TLL1: variants seen among roughly 807,000 people sequenced by gnomAD.
The protein encoded by TLL1 is tolloid like 1.
TLL1 carries 49 observed loss-of-function variants against 128.2 expected under a neutral mutation model. That is an observed-to-expected ratio of 0.38 (90% CI 0.30 to 0.48). The LOEUF is 0.48. Ranked by LOEUF, TLL1 falls within the 20% of genes least tolerant of loss-of-function variation. The pLI is 0.96. For synonymous variants in TLL1, 454 were observed against 418.8 expected, an observed-to-expected ratio of 1.08 and a Z score of -1.03; for missense variants, 1,123 against 1,242.0, an observed-to-expected ratio of 0.90 and a Z score of 1.44.
chr4:166,058,895 A>G (rs1740155067), intron 14 of TLL1, among the ~76,000 whole-genome samples: 1 of 152,124 alleles, frequency 6.6e-6, no homozygotes, highest in Non-Finnish European at 1.5e-5. Context: ...CTGCTGACCT[A>G]TTTAGCAAAA....
chr4:166,021,213 T>A (rs555155838), intron 8 of TLL1, among the ~76,000 whole-genome samples: 1 of 148,668 alleles, frequency 6.7e-6, no homozygotes, highest in East Asian at 2.0e-4. Flanking sequence ...TAAACTATAT[T>A]GCCAAGATGC....
At chr4:165,920,555 G>A (rs1289207441) in intron 1 of TLL1, among the ~76,000 whole-genome samples, 1 of 152,040 alleles carries the variant, frequency 6.6e-6, no homozygotes, top group Non-Finnish European at 1.5e-5. Flanking sequence ...GAAATTGTAG[G>A]GGAATAGAAT....
intron 1 of TLL1, among the ~76,000 whole-genome samples, chr4:165,913,497 C>A (rs1006842638): frequency 2.6e-5 from 4 of 152,104 alleles, no homozygotes; most frequent in African/African-American, 7.2e-5. Flanking sequence ...AAAGCTGATC[C>A]TTTTTAGGTA....
At chr4:165,875,926 T>C (rs560868687) in intron 1 of TLL1, among the ~76,000 whole-genome samples, 1 of 152,304 alleles carries the variant, frequency 6.6e-6, no homozygotes, top group South Asian at 2.1e-4. Context: ...AAAACTTTAA[T>C]AGCATTTACT....
intron 1 of TLL1, among the ~76,000 whole-genome samples, chr4:165,961,976 A>C (rs1735127973): frequency 6.6e-6 from 1 of 152,130 alleles, no homozygotes; most frequent in Non-Finnish European, 1.5e-5. Flanking sequence ...AAATACAAAA[A>C]TCCTGGAAGA....
chr4:166,003,016 A>G (rs1737240152), intron 5 of TLL1, among the ~76,000 whole-genome samples: 1 of 152,212 alleles, frequency 6.6e-6, no homozygotes, highest in Admixed American at 6.5e-5. Flanking sequence ...TATATTAGAA[A>G]TAAATGTGTA....
chr4:165,943,832 G>A lies in TLL1; in HGVS notation c.170-45549G>A, dbSNP rs184058426. Among the ~76,000 whole-genome samples, 223 of 152,168 alleles carry A rather than the reference G, an allele frequency of 1.5e-3. 2 individuals are homozygous for A. The highest frequency in any genetic ancestry group is 5.2e-3 in the African/African-American group (215 of 41,528). On this transcript the variant is annotated intron_variant, in intron 1 of 20. Coordinates refer to ENST00000061240, the MANE Select transcript of TLL1 (RefSeq NM_012464.5). ...TCATTTATAGTTAGGATATTTTATT[G>A]CAGCTACATGTGCACAGTGTATATT...
intron 1 of TLL1, among the ~76,000 whole-genome samples, chr4:165,897,071 T>C (rs1404504407): frequency 6.6e-6 from 1 of 152,186 alleles, no homozygotes; most frequent in Admixed American, 6.5e-5. Flanking sequence ...TTTCATATCC[T>C]TCACCCACTT....
chr4:165,972,658 T>G (rs879864196), intron 1 of TLL1, among the ~76,000 whole-genome samples: 2 of 152,164 alleles, frequency 1.3e-5, no homozygotes, highest in Non-Finnish European at 2.9e-5. Context: ...TCTCTAAGGG[T>G]CAGTGTTCCT....
intron 1 of TLL1, among the ~76,000 whole-genome samples, chr4:165,935,492 T>C (rs181947828): frequency 3.9e-4 from 60 of 152,200 alleles, no homozygotes; most frequent in African/African-American, 1.4e-3. Flanking sequence ...GGAAAACAAA[T>C]AAAAATAAAA....
chr4:165,974,133 CTT>C (rs199741025), intron 1 of TLL1, among the ~76,000 whole-genome samples: 2 of 60,748 alleles, frequency 3.3e-5, no homozygotes, highest in Non-Finnish European at 5.3e-5. Flanking sequence ...TGGACCTCAT[CTT>C]TTTTTTTTTT....
intron 1 of TLL1, among the ~76,000 whole-genome samples, chr4:165,929,543 A>AG (rs981622313): frequency 9.9e-5 from 15 of 152,028 alleles, no homozygotes; most frequent in Non-Finnish European, 1.8e-4. Flanking sequence ...ATCTCAAAAA[A>AG]AAAAAAAAAG....
At chr4:165,916,491 G>A in intron 1 of TLL1, among the ~76,000 whole-genome samples, 1 of 152,174 alleles carries the variant, frequency 6.6e-6, no homozygotes, top group Non-Finnish European at 1.5e-5. Flanking sequence ...TTACTTTGAA[G>A]TGAACCAGAA....
chr4:165,909,220 A>G (rs1732413910), intron 1 of TLL1, among the ~76,000 whole-genome samples: 1 of 152,106 alleles, frequency 6.6e-6, no homozygotes, highest in Non-Finnish European at 1.5e-5. Context: ...ACGGCTCCAA[A>G]GTTTAAAACT....
At chr4:166,070,640 TC>T (rs778404479) in intron 16 of TLL1, among the ~76,000 whole-genome samples, 1 of 151,886 alleles carries the variant, frequency 6.6e-6, no homozygotes, top group African/African-American at 2.4e-5. Context: ...GTTTTCCGAC[TC>T]CCAGTTCATT....
At chr4:166,041,689 T>A (rs1739247354) in intron 10 of TLL1, among the ~76,000 whole-genome samples, 1 of 152,208 alleles carries the variant, frequency 6.6e-6, no homozygotes, top group East Asian at 1.9e-4. Context: ...ACCTTTTTTC[T>A]GTTCCCCATT....
At chr4:166,098,405 T>G (rs1354192757) in intron 19 of TLL1, among the ~76,000 whole-genome samples, 2 of 151,154 alleles carry the variant, frequency 1.3e-5, no homozygotes, top group South Asian at 4.2e-4. Context: ...GTTTGAAACC[T>G]TTTATTCTCT....
intron 1 of TLL1, among the ~76,000 whole-genome samples, chr4:165,937,573 G>A (rs958441176): frequency 6.6e-6 from 1 of 151,960 alleles, no homozygotes; most frequent in African/African-American, 2.4e-5. Context: ...TTTTTATTCT[G>A]CAAGTGATTT....
rs192226010 is a variant in TLL1, at chr4:166,064,194, T to G, written c.2008-1489T>G. 5.7e-4 allele frequency among the ~76,000 whole-genome samples: 86 copies of G among 152,138 alleles called. No homozygotes were observed. In the East Asian group the frequency reaches 0.016, roughly 28 times the overall value. On this transcript the variant is annotated intron_variant, in intron 15 of 20. Coordinates refer to ENST00000061240, the MANE Select transcript of TLL1 (RefSeq NM_012464.5). ...AGTAAAGAAAATTATTTTTATACTA[T>G]TTTTAGAGAGGTTTTTCTTTTTGAG... is the stretch of plus-strand genomic sequence containing the variant.
Sources: gnomAD v4.1 joint callset for allele counts (sites outside exome capture counted in the v4.1 genomes callset) on GRCh38, gnomAD v4.1.1 for gene constraint, MANE v1.5 for transcripts, NCBI Gene and HGNC (gene_info 2026-07-23, HGNC 2026-07-21) for gene names.